Variants in CELF2 observed in about 807,000 individuals in gnomAD.
CELF2 encodes the protein CUGBP Elav-like family member 2.
In CELF2, 8 loss-of-function variants were observed where a neutral mutation model predicts 62.6. The observed-to-expected ratio is 0.13, with a 90% CI of 0.07 to 0.23. The LOEUF is 0.23. CELF2 is among the 10% of genes least tolerant of loss of function. CELF2 has a pLI of 1.00. For synonymous variants in CELF2, 258 were observed against 250.0 expected (o/e 1.03, Z -0.30); for missense variants, 333 against 671.0 (o/e 0.50, Z 5.56).
rs370064123 is a variant in CELF2 at position 11,072,247 on chromosome 10, G to T, written c.74+54084G>T. On this transcript the variant is annotated intron_variant, in intron 1 of 12. Coordinates refer to ENST00000633077, the MANE Select transcript of CELF2 (RefSeq NM_001326342.2). The stretch of plus-strand genomic sequence containing the variant: ...GAATTATGTGTTTTTCTCTCCCAGG[G>T]TTTTGTACCTTCTCCTCCTCTCTCT... 5.3e-5 allele frequency among the ~76,000 whole-genome samples: 8 copies of T among 152,244 alleles called. No individual in the cohort carries two copies. In the East Asian group the frequency reaches 9.6e-4, roughly 18 times the overall value.
chr10:10,568,292 G>A, the CELF2 span, among the ~76,000 whole-genome samples: 2 of 151,978 alleles, frequency 1.3e-5, no homozygotes, highest in African/African-American at 2.4e-5. Context: ...TAGAGAGGAA[G>A]GGGAGGATGA....
chr10:11,122,789 T>TA (rs2058005017), intron 1 of CELF2, among the ~76,000 whole-genome samples: 1 of 152,250 alleles, frequency 6.6e-6, no homozygotes, highest in Non-Finnish European at 1.5e-5. Context: ...TCAGGAAACT[T>TA]ACCTTCTTGG....
chr10:10,677,972 C>G, the CELF2 span, among the ~76,000 whole-genome samples: 2 of 152,146 alleles, frequency 1.3e-5, no homozygotes, highest in Non-Finnish European at 2.9e-5. Flanking sequence ...TTTTGAAAGA[C>G]AGTCACTTTA....
At chr10:11,233,496 C>T (rs996126799) in intron 3 of CELF2, among the ~76,000 whole-genome samples, 10 of 152,218 alleles carry the variant, frequency 6.6e-5, no homozygotes, top group South Asian at 2.1e-4. Context: ...ATCTGAAAAT[C>T]GGGCTTCTCT....
chr10:10,904,244 A>G, intron 1 of CELF2, among the ~76,000 whole-genome samples: 1 of 112,770 alleles, frequency 8.9e-6, no homozygotes. Flanking sequence ...TTTTTTGTTT[A>G]GAGACAGGGT....
At chr10:11,143,550 A>G (rs928040777) in intron 1 of CELF2, among the ~76,000 whole-genome samples, 1 of 152,206 alleles carries the variant, frequency 6.6e-6, no homozygotes, top group East Asian at 1.9e-4. Context: ...CCACCCCAGA[A>G]GAATTAGTTG....
At chr10:10,491,185 C>G in the CELF2 span, among the ~76,000 whole-genome samples, 1 of 152,144 alleles carries the variant, frequency 6.6e-6, no homozygotes, top group African/African-American at 2.4e-5. Flanking sequence ...GCAAAGCACA[C>G]AAATGAGTCT....
intron 1 of CELF2, among the ~76,000 whole-genome samples, chr10:11,161,231 C>T (rs559633716): frequency 6.6e-6 from 1 of 152,232 alleles, no homozygotes; most frequent in Non-Finnish European, 1.5e-5. Context: ...TGCCCACTGG[C>T]GTAGTGCTTG....
chr10:10,624,529 C>T, the CELF2 span, among the ~76,000 whole-genome samples: 16 of 152,320 alleles, frequency 1.1e-4, no homozygotes, highest in African/African-American at 3.8e-4. Flanking sequence ...GCCAATTCGG[C>T]TCATTGATGC....
intron 1 of CELF2, among the ~76,000 whole-genome samples, chr10:11,154,835 C>T (rs1167991564): frequency 2.6e-5 from 4 of 152,184 alleles, no homozygotes; most frequent in South Asian, 2.1e-4. Context: ...TTCATTGCTC[C>T]CATGTACTCC....
rs945504014 is a variant in CELF2, at chr10:11,333,545, A to C, written c.*4492A>C. On this transcript the variant is annotated 3_prime_UTR_variant, in exon 13 of 13. Coordinates refer to ENST00000633077, the MANE Select transcript of CELF2 (RefSeq NM_001326342.2). ...TTTATTATCTTAAGTGCTAATTAAA[A>C]AAAAAATAAAATTTTAAAAAAACCT... 1.3e-5 allele frequency: 2 copies of C among 152,334 alleles called. No individual in the cohort carries two copies. The highest frequency in any genetic ancestry group is 4.1e-4 in the South Asian group (2 of 4,834). 9.4% of individuals were successfully genotyped at this position (152,334 alleles called of 1,614,324 possible). A position where few individuals can be genotyped will look rare whatever the true frequency, so the allele number is the denominator to read the frequency against.
chr10:11,066,843 A>G (rs2068303645), intron 1 of CELF2, among the ~76,000 whole-genome samples: 1 of 152,072 alleles, frequency 6.6e-6, no homozygotes, highest in Admixed American at 6.5e-5. Flanking sequence ...TTGCATGTGT[A>G]TATTGAAGCA....
intron 1 of CELF2, among the ~76,000 whole-genome samples, chr10:10,857,648 A>ATATATATATATAT (rs1564727117): frequency 2.6e-5 from 1 of 38,814 alleles, no homozygotes; most frequent in Non-Finnish European, 4.6e-5. Flanking sequence ...ACATATATAT[A>ATATATATATATAT]GTATATATAT....
intron 1 of CELF2, among the ~76,000 whole-genome samples, chr10:10,825,016 A>G (rs2057272401): frequency 1.3e-5 from 2 of 152,044 alleles, no homozygotes. Context: ...GTTTGTAATT[A>G]TAATCTACAC....
the CELF2 span, among the ~76,000 whole-genome samples, chr10:10,666,434 C>T: frequency 3.3e-5 from 5 of 152,160 alleles, no homozygotes; most frequent in African/African-American, 1.2e-4. Context: ...CATTTCTGCC[C>T]TTAAGCTTAG....
At chr10:11,180,287 A>G (rs2072861976) in intron 2 of CELF2, among the ~76,000 whole-genome samples, 2 of 152,184 alleles carry the variant, frequency 1.3e-5, no homozygotes, top group South Asian at 4.1e-4. Context: ...AAAAGGCAGC[A>G]TAGGGTGGTG....
chr10:10,687,478 C>G, the CELF2 span, among the ~76,000 whole-genome samples: 1 of 152,120 alleles, frequency 6.6e-6, no homozygotes, highest in Non-Finnish European at 1.5e-5. Flanking sequence ...ACTGAGAACA[C>G]AAGCCTTTGA....
At chr10:10,519,901 GT>G in the CELF2 span, among the ~76,000 whole-genome samples, 23 of 152,308 alleles carry the variant, frequency 1.5e-4, no homozygotes, top group East Asian at 3.7e-3. Context: ...AAATCCTTCT[GT>G]TTAGATGAGC....
At chr10:11,283,455 T>A (rs7098733) in intron 8 of CELF2, among the ~76,000 whole-genome samples, 3,259 of 152,268 alleles carry the variant, frequency 0.021, 114 homozygotes, top group African/African-American at 0.075. Context: ...GATGGATGGA[T>A]GATGGGTAGA....
Sources: gnomAD v4.1 joint callset for allele counts (sites outside exome capture counted in the v4.1 genomes callset) on GRCh38, gnomAD v4.1.1 for gene constraint, MANE v1.5 for transcripts, NCBI Gene and HGNC (gene_info 2026-07-23, HGNC 2026-07-21) for gene names.